ZNF469: variants seen among roughly 807,000 people sequenced by gnomAD.
ZNF469 encodes the protein zinc finger protein 469.
ZNF469 carries 1 observed loss-of-function variant against 1.0 expected under a neutral mutation model. The ratio of observed to expected loss-of-function variants is 1.00; its 90% CI spans 0.35 to 4.73. ZNF469 has a LOEUF of 4.73. ZNF469 is among the 30% of genes most tolerant of loss of function. The pLI is 0.16. For missense variants in ZNF469, 6,100 were observed against 5,356.3 expected (o/e 1.14, Z -4.33); for synonymous variants, 2,703 against 2,363.4 (o/e 1.14, Z -4.17).
At chr16:88,226,971 CTCCGCGCCGGGGCCTGCGCGTT>C in the ZNF469 span, among the ~76,000 whole-genome samples, 7 of 151,908 alleles carry the variant, frequency 4.6e-5, no homozygotes, top group South Asian at 2.1e-4. Flanking sequence ...CCCGTGCCTC[CTCCGCGCCGGGGCCTGCGCGTT>C]TCCACCCGTG....
the ZNF469 span, among the ~76,000 whole-genome samples, chr16:88,326,819 G>A: frequency 2.0e-5 from 3 of 152,116 alleles, no homozygotes; most frequent in Admixed American, 6.5e-5. Flanking sequence ...TGACCCCCCC[G>A]CTCTTTCCTG....
chr16:88,410,203 A>T (rs1182323835), intron 1 of ZNF469, among the ~76,000 whole-genome samples: 4 of 151,096 alleles, frequency 2.6e-5, no homozygotes, highest in Admixed American at 6.6e-5. Flanking sequence ...GATGCCATTG[A>T]TGGTGCAGGT....
At chr16:88,235,638 G>A in the ZNF469 span, among the ~76,000 whole-genome samples, 3 of 152,226 alleles carry the variant, frequency 2.0e-5, no homozygotes, top group Admixed American at 6.5e-5. Context: ...GCATCTTGGA[G>A]GTCAACGTTT....
the ZNF469 span, among the ~76,000 whole-genome samples, chr16:88,342,810 C>T: frequency 3.9e-5 from 6 of 152,216 alleles, no homozygotes; most frequent in African/African-American, 1.4e-4. Context: ...TAGGGCGATG[C>T]CTGTCAATGA....
the ZNF469 span, among the ~76,000 whole-genome samples, chr16:88,251,538 C>CTTTTTTTTTTTTT: frequency 1.1e-3 from 54 of 51,280 alleles, 9 homozygotes; most frequent in East Asian, 9.7e-3. Context: ...TCCCTGCTGT[C>CTTTTTTTTTTTTT]TTTTTTTTTT....
At chr16:88,381,902 G>A (rs928973517), upstream of ZNF469, among the ~76,000 whole-genome samples, 1 of 152,250 alleles carries the variant, frequency 6.6e-6, no homozygotes, top group East Asian at 1.9e-4. Flanking sequence ...TCCACCAGAA[G>A]GCCCGTGGTT....
At chr16:88,365,515 T>C in the ZNF469 span, among the ~76,000 whole-genome samples, 1 of 152,222 alleles carries the variant, frequency 6.6e-6, no homozygotes, top group Admixed American at 6.5e-5. Context: ...GGGAGCTGTC[T>C]TCCTGCTGCC....
At chr16:88,201,888 G>C in the ZNF469 span, among the ~76,000 whole-genome samples, 8 of 152,306 alleles carry the variant, frequency 5.3e-5, no homozygotes, top group East Asian at 1.5e-3. The surrounding 1 kb of genome is among the most constrained non-coding windows in gnomAD (Gnocchi z 5.0). Flanking sequence ...ACTGTGATTC[G>C]ATAACCCACA....
chr16:88,181,868 C>G, the ZNF469 span, among the ~76,000 whole-genome samples: 10 of 152,264 alleles, frequency 6.6e-5, no homozygotes, highest in African/African-American at 2.4e-4. Flanking sequence ...TAACACTGTG[C>G]TAGAGGTTCT....
chr16:88,265,940 C>T, the ZNF469 span, among the ~76,000 whole-genome samples: 32 of 152,312 alleles, frequency 2.1e-4, no homozygotes, highest in Non-Finnish European at 3.5e-4. Context: ...GGGACAGAGG[C>T]CCAGAGGGGG....
chr16:88,307,216 T>C, the ZNF469 span, among the ~76,000 whole-genome samples: 11 of 152,250 alleles, frequency 7.2e-5, no homozygotes, highest in Non-Finnish European at 1.3e-4. Flanking sequence ...TTCTGCTGAG[T>C]AGATAGACCA....
the ZNF469 span, among the ~76,000 whole-genome samples, chr16:88,338,767 G>A: frequency 6.6e-6 from 1 of 152,172 alleles, no homozygotes; most frequent in Non-Finnish European, 1.5e-5. Context: ...CCACAGCAGA[G>A]ATGGAGGCTG....
At chr16:88,239,693 ATATATATATATATATATATATATTTT>A in the ZNF469 span, among the ~76,000 whole-genome samples, 6 of 8,612 alleles carry the variant, frequency 7.0e-4, no homozygotes, top group Admixed American at 2.4e-3. Flanking sequence ...ATATATATAT[ATATATATATATATATATATATATTTT>A]TTTTTTTTTT....
At chr16:88,360,534 G>C in the ZNF469 span, among the ~76,000 whole-genome samples, 1 of 116,660 alleles carries the variant, frequency 8.6e-6, no homozygotes, top group Non-Finnish European at 1.7e-5. Context: ...GCGCCTGCAT[G>C]CTCCCTCAAA....
At chr16:88,367,624 A>T in the ZNF469 span, among the ~76,000 whole-genome samples, 1 of 152,200 alleles carries the variant, frequency 6.6e-6, no homozygotes, top group African/African-American at 2.4e-5. Context: ...GACCACAAAA[A>T]GGTGTTTGTG....
the ZNF469 span, among the ~76,000 whole-genome samples, chr16:88,274,073 G>A: frequency 6.6e-6 from 1 of 152,198 alleles, no homozygotes. Context: ...AAAGTGCTGG[G>A]ATTACAGGCG....
chr16:88,385,642 C>A (rs1247010444), intron 1 of ZNF469, among the ~76,000 whole-genome samples: 101 of 133,104 alleles, frequency 7.6e-4, no homozygotes, highest in South Asian at 1.0e-3. Context: ...GACTCTGTCT[C>A]AAAAAAAAAA....
the ZNF469 span, among the ~76,000 whole-genome samples, chr16:88,355,588 T>A: frequency 3.9e-5 from 6 of 152,296 alleles, no homozygotes; most frequent in East Asian, 3.9e-4. Context: ...TCAGTGCTGG[T>A]GGTCAGATCG....
At chr16:88,226,094 C>G in the ZNF469 span, among the ~76,000 whole-genome samples, 1 of 152,302 alleles carries the variant, frequency 6.6e-6, no homozygotes, top group Admixed American at 6.5e-5. Flanking sequence ...TCCATGGTCA[C>G]TCATGAAACC....
Sources: allele counts gnomAD v4.1 joint callset (sites outside exome capture counted in the v4.1 genomes callset), GRCh38; gene constraint gnomAD v4.1.1; non-coding constraint Gnocchi (gnomAD v3.1); transcripts MANE v1.5; gene names NCBI Gene and HGNC (gene_info 2026-07-23, HGNC 2026-07-21).